The following SH3GL2 variants were observed in gnomAD, a reference collection of about 807,000 sequenced individuals.
SH3GL2 encodes the protein SH3 domain containing GRB2 like 2, endophilin A1, also known as endophilin-A1.
A neutral mutation model predicts 46.0 loss-of-function variants in SH3GL2; 24 were observed. The observed-to-expected ratio is 0.52, with a 90% CI of 0.38 to 0.73. The LOEUF is 0.73. SH3GL2 is among the 30% of genes least tolerant of loss of function. The pLI, the probability that SH3GL2 is intolerant of heterozygous loss-of-function variation, is 0.00. For synonymous variants in SH3GL2, 196 were observed against 147.1 expected (o/e 1.33, Z -2.40); for missense variants, 413 against 424.2 (o/e 0.97, Z 0.23).
At chr9:17,767,003 T>C (rs1823337035) in intron 3 of SH3GL2, among the ~76,000 whole-genome samples, 1 of 152,226 alleles carries the variant, frequency 6.6e-6, no homozygotes. Context: ...AGTTGGACTG[T>C]GGACCTTTTC....
intron 1 of SH3GL2, among the ~76,000 whole-genome samples, chr9:17,603,392 C>A (rs2134566863): frequency 6.6e-6 from 1 of 152,144 alleles, no homozygotes; most frequent in Admixed American, 6.5e-5. Context: ...AAATAAAAAG[C>A]CAAAGACTCT....
chr9:17,615,273 C>T (rs958423981), intron 1 of SH3GL2, among the ~76,000 whole-genome samples: 1 of 152,162 alleles, frequency 6.6e-6, no homozygotes, highest in African/African-American at 2.4e-5. Context: ...CAGATAAATC[C>T]ATATGATAGC....
intron 1 of SH3GL2, among the ~76,000 whole-genome samples, chr9:17,692,619 TG>T (rs1470744015): frequency 2.0e-5 from 3 of 147,180 alleles, no homozygotes; most frequent in Non-Finnish European, 4.5e-5. Flanking sequence ...ACCTCTAGCC[TG>T]GGCAACAGAG....
chr9:17,666,467 T>TA (rs998829693), intron 1 of SH3GL2, among the ~76,000 whole-genome samples: 3 of 152,094 alleles, frequency 2.0e-5, no homozygotes, highest in Non-Finnish European at 2.9e-5. Flanking sequence ...GTTTTTGGTT[T>TA]ATCCTTCTTG....
At chr9:17,618,373 T>TA (rs1819054821) in intron 1 of SH3GL2, among the ~76,000 whole-genome samples, 1 of 152,214 alleles carries the variant, frequency 6.6e-6, no homozygotes, top group African/African-American at 2.4e-5. Flanking sequence ...AGGAAATTGT[T>TA]ACTTTCTTCA....
intron 1 of SH3GL2, among the ~76,000 whole-genome samples, chr9:17,735,021 G>A (rs761349773): frequency 2.6e-5 from 4 of 152,088 alleles, no homozygotes; most frequent in Non-Finnish European, 5.9e-5. Flanking sequence ...TAAAGGACAA[G>A]TAACTTCAAA....
chr9:17,661,716 C>T (rs1588214152), intron 1 of SH3GL2, among the ~76,000 whole-genome samples: 1 of 151,918 alleles, frequency 6.6e-6, no homozygotes, highest in Non-Finnish European at 1.5e-5. Context: ...AGAGTGTGAT[C>T]AAAAGTTTGC....
chr9:17,740,019 A>G (rs527473623), intron 1 of SH3GL2, among the ~76,000 whole-genome samples: 10 of 152,172 alleles, frequency 6.6e-5, no homozygotes, highest in Non-Finnish European at 1.5e-4. Context: ...TAAAGTTTTT[A>G]GCTCTAGATA....
intron 1 of SH3GL2, among the ~76,000 whole-genome samples, chr9:17,598,185 A>G (rs1222256690): frequency 6.6e-6 from 1 of 152,188 alleles, no homozygotes; most frequent in East Asian, 1.9e-4. Context: ...AGCTCTCACC[A>G]GCTGACGTCA....
chr9:17,640,186 T>G (rs1819643267), intron 1 of SH3GL2, among the ~76,000 whole-genome samples: 3 of 150,756 alleles, frequency 2.0e-5, no homozygotes, highest in African/African-American at 7.3e-5. Context: ...TAAAAACATT[T>G]TAAAAATATA....
At chr9:17,620,005 T>G (rs745390499) in intron 1 of SH3GL2, among the ~76,000 whole-genome samples, 2 of 152,090 alleles carry the variant, frequency 1.3e-5, no homozygotes, top group Non-Finnish European at 2.9e-5. Context: ...ATCAGACAGA[T>G]GATTGGAAAT....
chr9:17,600,676 A>G lies in SH3GL2; in HGVS notation c.45+21389A>G, dbSNP rs117816222. 1.1e-4 allele frequency among the ~76,000 whole-genome samples: 16 copies of G among 152,328 alleles called. 1 individual carries two copies. In the East Asian group the frequency reaches 3.1e-3, roughly 29 times the overall value. On this transcript the variant is annotated intron_variant, in intron 1 of 8. Coordinates refer to ENST00000380607, the MANE Select transcript of SH3GL2 (RefSeq NM_003026.5). Reference sequence around the variant, plus strand: ...CTACAAACAGTTTTTAATATTGAACATGCTAACTGGTTCAATGTATATGTT... The same window carrying G: ...CTACAAACAGTTTTTAATATTGAACGTGCTAACTGGTTCAATGTATATGTT...
At chr9:17,778,079 A>G (rs1823695363) in intron 3 of SH3GL2, among the ~76,000 whole-genome samples, 1 of 152,086 alleles carries the variant, frequency 6.6e-6, no homozygotes, top group South Asian at 2.1e-4. Flanking sequence ...CCATAACACA[A>G]TTTACCATAC....
At chr9:17,624,426 AGT>A (rs1819231072) in intron 1 of SH3GL2, among the ~76,000 whole-genome samples, 2 of 152,238 alleles carry the variant, frequency 1.3e-5, no homozygotes. Context: ...CAGTCTTCAC[AGT>A]GATAGGTGCG....
chr9:17,745,128 A>G (rs1436021728), intron 1 of SH3GL2, among the ~76,000 whole-genome samples: 1 of 152,210 alleles, frequency 6.6e-6, no homozygotes, highest in Non-Finnish European at 1.5e-5. Flanking sequence ...CTCATCTTCA[A>G]TGTAGTAATA....
chr9:17,641,664 C>G (rs1819686357), intron 1 of SH3GL2, among the ~76,000 whole-genome samples: 1 of 152,108 alleles, frequency 6.6e-6, no homozygotes, highest in Admixed American at 6.5e-5. Flanking sequence ...TTGTTCAACA[C>G]CCATTTATGA....
In SH3GL2 at chr9:17,796,825, A is replaced by G. The variant is rs1824284403; in HGVS notation, c.*1082A>G. The G allele has an allele frequency of 6.6e-6, 1 of 152,622 alleles. No homozygotes were observed. Among genetic ancestry groups the G allele is most frequent in the Admixed American group, 6.5e-5 (1 of 15,282 alleles). 9.5% of individuals were successfully genotyped at this position (152,622 alleles called of 1,614,324 possible). A position where few individuals can be genotyped will look rare whatever the true frequency, so the allele number is the denominator to read the frequency against. ...GCTGCATATGCAAAACTCTTTCCCA[A>G]TTCAGTCGCTACTTTTACTTCTGCC... On this transcript the variant is annotated 3_prime_UTR_variant, in exon 9 of 9. Transcript: ENST00000380607.
chr9:17,728,873 C>T (rs1822095587), intron 1 of SH3GL2, among the ~76,000 whole-genome samples: 1 of 152,226 alleles, frequency 6.6e-6, no homozygotes, highest in South Asian at 2.1e-4. Flanking sequence ...TCCAGTCTAT[C>T]ATTGATGGGC....
At chr9:17,740,271 G>A (rs919934940) in intron 1 of SH3GL2, among the ~76,000 whole-genome samples, 1 of 152,010 alleles carries the variant, frequency 6.6e-6, no homozygotes, top group Non-Finnish European at 1.5e-5. Context: ...TGGCATTTAA[G>A]CATTCCAACT....
Sources: gnomAD v4.1 joint callset for allele counts (sites outside exome capture counted in the v4.1 genomes callset) on GRCh38, gnomAD v4.1.1 for gene constraint, MANE v1.5 for transcripts, NCBI Gene and HGNC (gene_info 2026-07-23, HGNC 2026-07-21) for gene names.